GON4L: variants seen among roughly 807,000 people sequenced by gnomAD.
GON4L encodes gon-4 like.
A neutral mutation model predicts 211.8 loss-of-function variants in GON4L; 87 were observed. The observed-to-expected ratio is 0.41, with a 90% CI of 0.35 to 0.49. The LOEUF is 0.49. Ranked by LOEUF, GON4L falls within the 20% of genes least tolerant of loss-of-function variation. GON4L has a pLI of 0.15. For synonymous variants in GON4L, 875 were observed against 962.6 expected, an observed-to-expected ratio of 0.91 and a Z score of 1.68; for missense variants, 2,155 against 2,659.5, an observed-to-expected ratio of 0.81 and a Z score of 4.17.
chr1:155,819,805 T>C (rs1313762759), intron 6 of GON4L, among the ~76,000 whole-genome samples: 1 of 152,248 alleles, frequency 6.6e-6, no homozygotes, highest in Non-Finnish European at 1.5e-5. Context: ...CTCAACACTT[T>C]AGTATTCAAA....
intron 8 of GON4L, among the ~76,000 whole-genome samples, 156 bp from the exon 9 acceptor site, chr1:155,814,605 G>T (rs1057031062): frequency 2.6e-5 from 4 of 151,928 alleles, no homozygotes; most frequent in African/African-American, 7.3e-5. Flanking sequence ...AATAAGCCAG[G>T]CGCGGTGGCG....
At chr1:155,827,557 T>A (rs1416720718) in intron 2 of GON4L, among the ~76,000 whole-genome samples, 1 of 152,120 alleles carries the variant, frequency 6.6e-6, no homozygotes, top group Non-Finnish European at 1.5e-5. Flanking sequence ...TGATGGTGCA[T>A]GCTTGTAGTC....
At chr1:155,786,361 C>T (rs1212590100) in intron 12 of GON4L, among the ~76,000 whole-genome samples, 2 of 151,980 alleles carry the variant, frequency 1.3e-5, no homozygotes, top group East Asian at 3.9e-4. Flanking sequence ...AATGTTGAAA[C>T]CATATCTCTA....
chr1:155,807,915 G>A (rs1667309756), intron 10 of GON4L, among the ~76,000 whole-genome samples: 1 of 151,908 alleles, frequency 6.6e-6, no homozygotes, highest in Admixed American at 6.6e-5. Flanking sequence ...AGACTACACT[G>A]CATCAACCTG....
At chr1:155,746,128 A>C, downstream of GON4L, 1 of 946,882 alleles carries the variant, frequency 1.1e-6, no homozygotes, top group Non-Finnish European at 1.5e-6. Flanking sequence ...ACTCATCCTC[A>C]TGGATCTGAA....
intron 27 of GON4L, 75 bp downstream of exon 27, chr1:155,756,883 T>A (rs887869459): frequency 8.6e-5 from 96 of 1,121,028 alleles, no homozygotes; most frequent in Non-Finnish European, 1.2e-4. Context: ...GAGCCAAGAT[T>A]ACGCCACTGC....
At chr1:155,763,875 T>C (rs924538559) in intron 21 of GON4L, among the ~76,000 whole-genome samples, 9 of 152,016 alleles carry the variant, frequency 5.9e-5, no homozygotes, top group Admixed American at 3.3e-4. Flanking sequence ...TGGTGGTACA[T>C]GCCTGTAATC....
At chr1:155,800,016 C>T (rs1375504598) in intron 11 of GON4L, among the ~76,000 whole-genome samples, 1 of 152,078 alleles carries the variant, frequency 6.6e-6, no homozygotes, top group Non-Finnish European at 1.5e-5. Flanking sequence ...GCGTGACCAA[C>T]ATGGAGAAAC....
intron 27 of GON4L, chr1:155,756,674 C>T: frequency 2.8e-6 from 1 of 356,494 alleles, no homozygotes; most frequent in South Asian, 2.8e-5. Context: ...CTTGTAATCC[C>T]AGCACTTTGG....
chr1:155,817,134 C>T (rs1277282145), intron 6 of GON4L, among the ~76,000 whole-genome samples: 2 of 152,034 alleles, frequency 1.3e-5, no homozygotes, highest in African/African-American at 2.4e-5. Context: ...GGACTACAGG[C>T]ATGCCTCCTC....
In GON4L at chr1:155,773,161, T is replaced by A. The variant is rs1164772714; in HGVS notation, c.2400A>T (p.Thr800=). ...LPKQVAWILA[T]SKVFMYPELL... ...ACTCTGGATACATGAAAACCTTGCT[T>A]GTGGCCAGAATCCAAGCCACTTGCT... The change falls in exon 18 of 32, where the codon ACA becomes ACT. Residue 800 remains threonine (T), a synonymous_variant. Coordinates refer to ENST00000368331, the MANE Select transcript of GON4L (RefSeq NM_001282860.2). The A allele has an allele frequency of 6.2e-7, 1 of 1,614,064 alleles. No individual in the cohort carries two copies. The highest frequency in any genetic ancestry group is 1.7e-5 in the Admixed American group (1 of 60,018).
intron 18 of GON4L, among the ~76,000 whole-genome samples, chr1:155,771,844 C>G (rs1418992326): frequency 6.6e-6 from 1 of 152,118 alleles, no homozygotes; most frequent in African/African-American, 2.4e-5. Context: ...ATTTCAGATA[C>G]TTAGTGAGTA....
intron 6 of GON4L, among the ~76,000 whole-genome samples, chr1:155,816,960 A>T (rs545797742): frequency 6.6e-6 from 1 of 152,080 alleles, no homozygotes; most frequent in East Asian, 1.9e-4. Flanking sequence ...ATGTTTGAAA[A>T]TTTTTATAAG....
chr1:155,845,081 T>G (rs1186048644), intron 2 of GON4L, among the ~76,000 whole-genome samples: 1 of 152,088 alleles, frequency 6.6e-6, no homozygotes, highest in Non-Finnish European at 1.5e-5. Context: ...TCTAAAACCC[T>G]GTAAGATTGA....
intron 13 of GON4L, 151 bp downstream of exon 13, chr1:155,785,183 T>C (rs1664817006): frequency 1.3e-6 from 1 of 744,352 alleles, no homozygotes; most frequent in Admixed American, 1.8e-5. Flanking sequence ...CAAAATTCCC[T>C]TGTCATTATA....
intron 9 of GON4L, 33 bp downstream of exon 9, chr1:155,814,297 G>A: frequency 1.3e-6 from 2 of 1,587,490 alleles, no homozygotes; most frequent in East Asian, 2.2e-5. Flanking sequence ...AGACAGTTAT[G>A]TCTAACATCT....
At chr1:155,836,148 G>T (rs1670272796) in intron 2 of GON4L, among the ~76,000 whole-genome samples, 1 of 152,112 alleles carries the variant, frequency 6.6e-6, no homozygotes, top group African/African-American at 2.4e-5. Context: ...GGGAGGCTGA[G>T]GCATGAGAAT....
chr1:155,808,128 C>T (rs1050975202), intron 10 of GON4L, among the ~76,000 whole-genome samples: 2 of 151,962 alleles, frequency 1.3e-5, no homozygotes, highest in Admixed American at 6.6e-5. Flanking sequence ...CCTCCACTCC[C>T]CACATTCAAG....
chr1:155,811,721 A>C (rs1468648573), intron 10 of GON4L, among the ~76,000 whole-genome samples: 1 of 122,718 alleles, frequency 8.1e-6, no homozygotes, highest in African/African-American at 3.1e-5. Context: ...GCACCACTGC[A>C]CTCCAGCCTG....
Sources: gnomAD v4.1 joint callset for allele counts (sites outside exome capture counted in the v4.1 genomes callset) on GRCh38, gnomAD v4.1.1 for gene constraint, MANE v1.5 for transcripts, NCBI Gene and HGNC (gene_info 2026-07-23, HGNC 2026-07-21) for gene names.